The following TXNDC12 variants were observed in gnomAD, a reference collection of about 807,000 sequenced individuals.
The protein encoded by TXNDC12 is thioredoxin domain-containing protein 12.
Under a neutral mutation model 24.2 loss-of-function variants are expected in TXNDC12, and 22 were observed. The observed-to-expected ratio is 0.91, with a 90% confidence interval of 0.65 to 1.30. TXNDC12 has a LOEUF of 1.30. Ranked by LOEUF, TXNDC12 falls within the 50% of genes most tolerant of loss-of-function variation. The probability of loss-of-function intolerance (pLI) is 0.00; values close to 1 mark genes in which losing one functional copy is unlikely to be tolerated. For synonymous variants in TXNDC12, 58 were observed against 73.4 expected (o/e 0.79, Z 1.07); for missense variants, 184 against 205.8 (o/e 0.89, Z 0.65).
intron 1 of TXNDC12, among the ~76,000 whole-genome samples, chr1:52,046,876 T>A (rs866807005): frequency 0.025 from 3,660 of 144,784 alleles, 66 homozygotes; most frequent in Non-Finnish European, 0.03. Flanking sequence ...AATATATATA[T>A]ATATATATAT....
chr1:52,037,014 C>T (rs1685894220), intron 2 of TXNDC12, among the ~76,000 whole-genome samples: 1 of 152,154 alleles, frequency 6.6e-6, no homozygotes, highest in Admixed American at 6.5e-5. Context: ...ACAGCTATTT[C>T]TATAACGACA....
chr1:52,025,049 T>C (rs1329994594), intron 4 of TXNDC12, among the ~76,000 whole-genome samples: 1 of 152,234 alleles, frequency 6.6e-6, no homozygotes, highest in South Asian at 2.1e-4. Context: ...ACTAGCATGT[T>C]ATTTCAACGA....
At chr1:52,032,413 G>A (rs1685778763) in intron 2 of TXNDC12, 1 of 1,178,636 alleles carries the variant, frequency 8.5e-7, no homozygotes, top group East Asian at 4.0e-5. Context: ...CTCTGTGATA[G>A]CCCAAGTAGG....
Position 52,020,411 on chromosome 1 carries a change from C to A in TXNDC12, c.*522G>T. On this transcript the variant is annotated 3_prime_UTR_variant, in exon 7 of 7. Coordinates refer to ENST00000371626, the MANE Select transcript of TXNDC12 (RefSeq NM_015913.4). Reference sequence around the variant, plus strand: ...TTGGGAAGAAGCCCACAATTATTCCCAGGAGAAAAAAGGGAAAAAACAGGC... The same window carrying A: ...TTGGGAAGAAGCCCACAATTATTCCAAGGAGAAAAAAGGGAAAAAACAGGC... 3.7e-6 allele frequency: 1 copy of A among 270,146 alleles called. No homozygotes were observed. The highest frequency in any genetic ancestry group is 6.9e-5 in the South Asian group (1 of 14,474). The allele number at this position is 270,146 out of a possible 1,614,324, so 16.7% of individuals were successfully genotyped here.
At chr1:52,046,866 AATATATAT>A (rs869028968) in intron 1 of TXNDC12, among the ~76,000 whole-genome samples, 1,890 of 30,142 alleles carry the variant, frequency 0.063, 49 homozygotes, top group South Asian at 0.24. Flanking sequence ...AAAAAAAAAA[AATATATAT>A]ATATATATAT....
rs542791004 is a variant in TXNDC12 at position 52,049,004 on chromosome 1, G to C, written c.97+5996C>G. ...TGTAAAGTAGAACTTACTGCAATGA[G>C]CTGTTCAATATGGTAGTCACTAGCC... is the stretch of plus-strand genomic sequence containing the variant. On this transcript the variant is annotated intron_variant, in intron 1 of 6. Coordinates refer to ENST00000371626, the MANE Select transcript of TXNDC12 (RefSeq NM_015913.4). Among the ~76,000 whole-genome samples, 59 of 152,276 alleles carry C rather than the reference G, an allele frequency of 3.9e-4. 1 individual carries two copies. Among genetic ancestry groups the C allele is most frequent in the African/African-American group, 1.4e-3 (59 of 41,566 alleles).
At chr1:52,052,136 C>T (rs1686218411) in intron 1 of TXNDC12, among the ~76,000 whole-genome samples, 1 of 152,204 alleles carries the variant, frequency 6.6e-6, no homozygotes, top group Non-Finnish European at 1.5e-5. Flanking sequence ...TATTTCTCTG[C>T]TTAAAGCACA....
intron 2 of TXNDC12, chr1:52,030,366 C>T (rs1685732836): frequency 6.6e-6 from 1 of 152,156 alleles, no homozygotes; most frequent in East Asian, 1.9e-4. Context: ...CTGCCACTTA[C>T]TAGCTAACTC....
At chr1:52,042,677 CA>C (rs1470159348) in intron 1 of TXNDC12, among the ~76,000 whole-genome samples, 3 of 151,674 alleles carry the variant, frequency 2.0e-5, no homozygotes, top group African/African-American at 7.3e-5. Context: ...GGCTGGAGTG[CA>C]ATGGCATGAT....
chr1:52,052,342 A>G (rs1291301017), intron 1 of TXNDC12: 1 of 166,466 alleles, frequency 6.0e-6, no homozygotes, highest in African/African-American at 2.4e-5. Context: ...TGACCTCAAC[A>G]TACCTCCCAT....
chr1:52,022,538 G>A (rs1038137365), intron 6 of TXNDC12, among the ~76,000 whole-genome samples: 3 of 151,392 alleles, frequency 2.0e-5, no homozygotes, highest in African/African-American at 2.4e-5. Context: ...ACATTCCCCC[G>A]CCACTTCACT....
At position 52,033,049 on chromosome 1, in the gene TXNDC12, G is replaced by C. The variant is rs79423354; in HGVS notation, c.159-4419C>G. The C allele has an allele frequency of 1.2e-4, 183 of 1,580,676 alleles. No homozygotes were observed. In the African/African-American group the frequency reaches 2.1e-3, roughly 18 times the overall value. ...AGAGCGGATCCCCGCCAGGGGCAAC[G>C]GCTCCTCTAGGCCCACCAAAGTGAA... is the stretch of plus-strand genomic sequence containing the variant. On this transcript the variant is annotated intron_variant, in intron 2 of 6. Transcript: ENST00000371626.
intron 2 of TXNDC12, among the ~76,000 whole-genome samples, chr1:52,039,031 C>A (rs1685938011): frequency 6.9e-6 from 1 of 145,416 alleles, no homozygotes; most frequent in Non-Finnish European, 1.5e-5. Flanking sequence ...AATCAGTCCT[C>A]CTGCCTCAGA....
At chr1:52,033,618 C>A in intron 2 of TXNDC12, 1 of 1,612,608 alleles carries the variant, frequency 6.2e-7, no homozygotes, top group Non-Finnish European at 8.5e-7. Context: ...AATCGCCGTA[C>A]ACCGCTGGGT....
At chr1:52,026,239 G>A (rs986750858) in intron 4 of TXNDC12, among the ~76,000 whole-genome samples, 2 of 152,154 alleles carry the variant, frequency 1.3e-5, no homozygotes, top group African/African-American at 2.4e-5. Flanking sequence ...CTAGGTGAGA[G>A]TACCTATTCT....
chr1:52,044,800 C>T (rs1234601680), intron 1 of TXNDC12, among the ~76,000 whole-genome samples: 1 of 151,950 alleles, frequency 6.6e-6, no homozygotes, highest in Non-Finnish European at 1.5e-5. Context: ...ATGGTGAAAC[C>T]CTGTCTCTAC....
intron 1 of TXNDC12, among the ~76,000 whole-genome samples, chr1:52,053,786 C>A (rs1686267028): frequency 6.6e-6 from 1 of 152,170 alleles, no homozygotes; most frequent in Non-Finnish European, 1.5e-5. Context: ...GATGGAAACC[C>A]ACATATCACC....
At chr1:52,023,937 T>C (rs1480590831) in intron 5 of TXNDC12, among the ~76,000 whole-genome samples, 1 of 152,152 alleles carries the variant, frequency 6.6e-6, no homozygotes, top group African/African-American at 2.4e-5. Context: ...AATACAGTGC[T>C]TGACATATGG....
intron 4 of TXNDC12, among the ~76,000 whole-genome samples, chr1:52,026,062 C>T (rs929035555): frequency 6.6e-5 from 10 of 152,104 alleles, no homozygotes; most frequent in African/African-American, 2.4e-4. Flanking sequence ...AACTCCTGAC[C>T]TCATGATCTA....
Sources: gnomAD v4.1 joint callset for allele counts (sites outside exome capture counted in the v4.1 genomes callset) on GRCh38, gnomAD v4.1.1 for gene constraint, MANE v1.5 for transcripts, NCBI Gene and HGNC (gene_info 2026-07-23, HGNC 2026-07-21) for gene names.